Variants in AHDC1 observed in about 807,000 individuals in gnomAD.
AHDC1 encodes the protein transcription factor Gibbin.
AHDC1 carries 7 observed loss-of-function variants against 87.9 expected under a neutral mutation model. That is an observed-to-expected ratio of 0.08 (90% CI 0.05 to 0.15). The LOEUF (loss-of-function observed/expected upper bound fraction) is 0.15, where lower values mean the gene tolerates loss of function less well. AHDC1 is among the 10% of genes least tolerant of loss of function. The pLI, the probability that AHDC1 is intolerant of heterozygous loss-of-function variation, is 1.00. For synonymous variants in AHDC1, 1,051 were observed against 1,006.8 expected (o/e 1.04, Z -0.83); for missense variants, 1,841 against 2,253.2 (o/e 0.82, Z 3.70).
chr1:27,574,524 G>A (rs2088647141), intron 3 of AHDC1, among the ~76,000 whole-genome samples: 1 of 152,180 alleles, frequency 6.6e-6, no homozygotes, highest in Non-Finnish European at 1.5e-5. Flanking sequence ...ACTTGTTCAA[G>A]GTCACACAGC....
rs1281829754 is a variant in AHDC1 at position 27,565,490 on chromosome 1, C to T, written c.-628-6607G>A. Reference sequence around the variant, plus strand: ...TTGAAGGGAGGCGAGGCACTGTCCTCCACCCAACCCTTAAGGAGACAGGAC... The same window carrying T: ...TTGAAGGGAGGCGAGGCACTGTCCTTCACCCAACCCTTAAGGAGACAGGAC... On this transcript the variant is annotated intron_variant, in intron 3 of 8. Transcript: ENST00000673934. The surrounding 1 kb of genome is among the most constrained non-coding windows in gnomAD (Gnocchi z 4.6). Among the ~76,000 whole-genome samples, 1 of 152,214 alleles carries T rather than the reference C, an allele frequency of 6.6e-6. No individual in the cohort carries two copies. Among genetic ancestry groups the T allele is most frequent in the Non-Finnish European group, 1.5e-5 (1 of 68,024 alleles).
intron 8 of AHDC1, among the ~76,000 whole-genome samples, chr1:27,546,303 T>C (rs967274530): frequency 6.6e-6 from 1 of 152,098 alleles, no homozygotes; most frequent in Non-Finnish European, 1.5e-5. Context: ...TTGTTCCCTT[T>C]GATCATTTTG....
At chr1:27,574,559 G>A (rs574583882) in intron 3 of AHDC1, among the ~76,000 whole-genome samples, 20 of 152,290 alleles carry the variant, frequency 1.3e-4, no homozygotes, top group Admixed American at 2.0e-4. Context: ...TGTGGCATAG[G>A]TGAAGCGTGC....
chr1:27,539,963 A>ATC lies in AHDC1; in HGVS notation c.*44-5049_*44-5048dup, dbSNP rs143409425. ...GGAGGAGGCTAGCCTCACCTCCTCCATCTCTCTCTCTCTCTCTCTCCCCCA... is the reference window on the plus strand; with the variant it reads ...GGAGGAGGCTAGCCTCACCTCCTCCATCTCTCTCTCTCTCTCTCTCTCCCCCA... On this transcript the variant is annotated intron_variant, in intron 8 of 8. Transcript: ENST00000673934. Among the ~76,000 whole-genome samples the ATC allele has an allele frequency of 7.8e-3, 1,157 of 147,906 alleles. 11 individuals are homozygous for ATC. Among genetic ancestry groups the ATC allele is most frequent in the African/African-American group, 0.025 (1,019 of 40,310 alleles).
chr1:27,551,187 G>A lies in AHDC1; in HGVS notation c.929C>T (p.Pro310Leu). 6.2e-7 allele frequency: 1 copy of A among 1,609,944 alleles called. No homozygotes were observed. The highest frequency in any genetic ancestry group is 8.5e-7 in the Non-Finnish European group (1 of 1,179,180). ...GTCCAGGGCCTGGAGAGCCAGGCCC[G>A]GCAGCCCCAGAGGATCAGCAAGAGG... is the stretch of plus-strand genomic sequence containing the variant. ...LQPLADPLGL[P>L]GLALQALDTL... The change falls in exon 8 of 9, where the codon CCG (proline) becomes CTG (leucine). Residue 310 changes from proline to leucine, a missense_variant. By Grantham distance (98) the Pro-to-Leu change is moderately conservative. Coordinates refer to ENST00000673934, the MANE Select transcript of AHDC1 (RefSeq NM_001371928.1).
Position 27,550,560 on chromosome 1 carries a change from G to T in AHDC1, c.1556C>A (p.Pro519Gln). The T allele has an allele frequency of 6.2e-7, 1 of 1,613,276 alleles. No individual in the cohort carries two copies. The change falls in exon 8 of 9, where the codon CCG becomes CAG. Residue 519 changes from proline to glutamine, a missense_variant. Physicochemically the swap from Pro to Gln is moderately conservative, Grantham distance 76 (BLOSUM62 -1). Around this residue, in one of 13 missense-constraint regions of AHDC1, gnomAD observed 18 missense variants for 18.0 expected, o/e 1.00. Coordinates refer to ENST00000673934, the MANE Select transcript of AHDC1 (RefSeq NM_001371928.1). ...LGLRVSAEPTPLLKMKNNGRN... is the reference protein window; with the variant it reads ...LGLRVSAEPTQLLKMKNNGRN... ...CCCATTGTTCTTCATCTTCAGCAGCGGGGTGGGCTCAGCCGACACGCGCAG... is the reference window on the plus strand; with the variant it reads ...CCCATTGTTCTTCATCTTCAGCAGCTGGGTGGGCTCAGCCGACACGCGCAG...
At chr1:27,591,439 A>G (rs2089218000) in intron 3 of AHDC1, among the ~76,000 whole-genome samples, 1 of 152,222 alleles carries the variant, frequency 6.6e-6, no homozygotes, top group African/African-American at 2.4e-5. Context: ...CACAATGCAG[A>G]AAGTGGCTCA....
At chr1:27,564,815 GCACCCCACCTCC>G (rs2020247487) in intron 3 of AHDC1, among the ~76,000 whole-genome samples, 1 of 152,108 alleles carries the variant, frequency 6.6e-6, no homozygotes, top group African/African-American at 2.4e-5. Flanking sequence ...GGGGAGGGAG[GCACCCCACCTCC>G]CACCCCATCA....
At chr1:27,575,404 G>C (rs909679888) in intron 3 of AHDC1, among the ~76,000 whole-genome samples, 2 of 152,100 alleles carry the variant, frequency 1.3e-5, no homozygotes, top group Admixed American at 1.3e-4. Context: ...CGAAAAGAGA[G>C]GCCGAGGAGG....
intron 3 of AHDC1, among the ~76,000 whole-genome samples, chr1:27,572,179 C>T (rs1406556076): frequency 3.3e-5 from 5 of 152,106 alleles, no homozygotes; most frequent in Non-Finnish European, 7.4e-5. Context: ...GAACAGGAAA[C>T]AGAGTCTAAT....
chr1:27,537,108 G>T (rs971882994), intron 8 of AHDC1, among the ~76,000 whole-genome samples: 7 of 152,156 alleles, frequency 4.6e-5, no homozygotes, highest in Non-Finnish European at 1.0e-4. Context: ...GGGAAGGAGC[G>T]GGGGAGGGGG....
Position 27,550,759 on chromosome 1 carries a change from G to C in AHDC1, c.1357C>G (p.Pro453Ala), listed in dbSNP as rs1024408886. The part of the protein sequence containing the change: ...PGPVSVPELK[P>A]ESSQTPVVST... The stretch of plus-strand genomic sequence containing the variant: ...ACCACTGGGGTCTGGGAAGATTCCG[G>C]CTTCAACTCTGGGACTGAGACCGGG... The change falls in exon 8 of 9, where the codon CCG becomes GCG. Residue 453 changes from proline to alanine, a missense_variant. By Grantham distance (27) the Pro-to-Ala change is conservative (BLOSUM62 -1). Coordinates refer to ENST00000673934, the MANE Select transcript of AHDC1 (RefSeq NM_001371928.1). 2 of 1,576,648 alleles carry C rather than the reference G, an allele frequency of 1.3e-6. No homozygotes were observed. The highest frequency in any genetic ancestry group is 1.4e-5 in the African/African-American group (1 of 73,970).
chr1:27,552,022 G>A lies in AHDC1; in HGVS notation c.94C>T (p.Pro32Ser). ...GGAAGCAGGGGCCGGGGGGTGGGGGGGCCGCCGGGGTAGTACTTGGGTTCC... is the reference window on the plus strand; with the variant it reads ...GGAAGCAGGGGCCGGGGGGTGGGGGAGCCGCCGGGGTAGTACTTGGGTTCC... The part of the protein sequence containing the change: ...LREPKYYPGG[P>S]PTPRPLLPTR... The change falls in exon 8 of 9, where the codon CCC becomes TCC. Residue 32 changes from proline to serine, a missense_variant. Pro to Ser is a moderately conservative substitution (Grantham distance 74). Transcript: ENST00000673934. The A allele has an allele frequency of 4.2e-6, 4 of 952,692 alleles. No individual in the cohort carries two copies. The highest frequency in any genetic ancestry group is 4.3e-6 in the Non-Finnish European group (3 of 704,766). The allele number at this position is 952,692 out of a possible 1,614,324, so 59.0% of individuals were successfully genotyped here. A position where few individuals can be genotyped will look rare whatever the true frequency, so the allele number is the denominator to read the frequency against.
Position 27,547,988 on chromosome 1 carries a change from A to T in AHDC1, c.4128T>A (p.Asp1376Glu), listed in dbSNP as rs2019275230. ...DSPSLGAPEL[D>E]GKHFPPLAHP... ...GGGCCAGCGGTGGGAAATGCTTGCC[A>T]TCAAGCTCGGGAGCACCCAGGCTGG... The change falls in exon 8 of 9, where the codon GAT becomes GAA. Residue 1376 changes from aspartate (D) to glutamate (E), a missense_variant. By Grantham distance (45) the Asp-to-Glu change is conservative (BLOSUM62 2). This residue lies in a region of AHDC1 where 505 missense variants were observed against 626.2 expected (regional missense o/e 0.81). Transcript: ENST00000673934. The surrounding 1 kb of genome is among the most constrained non-coding windows in gnomAD (Gnocchi z 4.9). 1.2e-6 allele frequency: 2 copies of T among 1,605,768 alleles called. No individual in the cohort carries two copies. The highest frequency in any genetic ancestry group is 1.7e-6 in the Non-Finnish European group (2 of 1,174,080).
rs570616729 is a variant in AHDC1, at chr1:27,556,991, C to CCACAG, written c.-225+1309_-225+1313dup. Among the ~76,000 whole-genome samples, 304 of 150,678 alleles carry CCACAG rather than the reference C, an allele frequency of 2.0e-3. 3 individuals are homozygous for CCACAG. The highest frequency in any genetic ancestry group is 6.8e-3 in the African/African-American group (279 of 40,920). ...GCCCCCTGGGGCCATCAGGGCCCCC[C>CCACAG]CACAGCACAGCACAGCAGTGCACAC... On this transcript the variant is annotated intron_variant, in intron 5 of 8. Coordinates refer to ENST00000673934, the MANE Select transcript of AHDC1 (RefSeq NM_001371928.1).
At chr1:27,559,587 G>A (rs2019975945) in intron 3 of AHDC1, among the ~76,000 whole-genome samples, 1 of 152,176 alleles carries the variant, frequency 6.6e-6, no homozygotes, top group Non-Finnish European at 1.5e-5. Flanking sequence ...TTATGAATGG[G>A]GAGGAACATC....
At chr1:27,588,766 C>T (rs539268632) in intron 3 of AHDC1, among the ~76,000 whole-genome samples, 34 of 152,088 alleles carry the variant, frequency 2.2e-4, no homozygotes, top group Admixed American at 1.1e-3. Flanking sequence ...CAAACATGTA[C>T]GTGTGTGTTT....
chr1:27,566,816 G>T (rs537815738), intron 3 of AHDC1, among the ~76,000 whole-genome samples: 2 of 147,166 alleles, frequency 1.4e-5, no homozygotes, highest in South Asian at 2.2e-4. Context: ...CTGCTAGGGT[G>T]GGGGGAAGAA....
chr1:27,597,376 T>TGA (rs150236055), intron 3 of AHDC1, among the ~76,000 whole-genome samples: 25,588 of 149,764 alleles, frequency 0.17, 2,776 homozygotes, highest in Non-Finnish European at 0.25. Flanking sequence ...AGTGTGTGTG[T>TGA]GAGAGAGAGA....
Sources: allele counts gnomAD v4.1 joint callset (sites outside exome capture counted in the v4.1 genomes callset), GRCh38; gene constraint gnomAD v4.1.1; regional missense constraint gnomAD v4.1.1; non-coding constraint Gnocchi (gnomAD v3.1); transcripts MANE v1.5; gene names NCBI Gene and HGNC (gene_info 2026-07-23, HGNC 2026-07-21).